The following ARID5B variants were observed in gnomAD, a reference collection of about 807,000 sequenced individuals.
The protein encoded by ARID5B is AT-rich interaction domain 5B.
ARID5B carries 13 observed loss-of-function variants against 97.2 expected under a neutral mutation model. That is an observed-to-expected ratio of 0.13 (90% CI 0.09 to 0.21). The LOEUF is 0.21. Among genes scored for constraint, ARID5B ranks in the 10% least tolerant of loss-of-function variants. The pLI, the probability that ARID5B is intolerant of heterozygous loss-of-function variation, is 1.00. For synonymous variants in ARID5B, 556 were observed against 570.3 expected (o/e 0.97, Z 0.36); for missense variants, 1,210 against 1,465.3 (o/e 0.83, Z 2.84).
chr10:61,975,580 A>G (rs1589242111), intron 3 of ARID5B, among the ~76,000 whole-genome samples: 1 of 152,160 alleles, frequency 6.6e-6, no homozygotes. Context: ...TAAACTGGGT[A>G]TAAGAATTCC....
At chr10:62,010,244 C>T (rs564509769) in intron 4 of ARID5B, among the ~76,000 whole-genome samples, 2 of 152,312 alleles carry the variant, frequency 1.3e-5, no homozygotes, top group East Asian at 1.9e-4. Context: ...GGTTTCCTGG[C>T]TGCTTAATGG....
chr10:62,062,682 T>G (rs1476916298), intron 7 of ARID5B, among the ~76,000 whole-genome samples: 1 of 151,300 alleles, frequency 6.6e-6, no homozygotes, highest in Non-Finnish European at 1.5e-5. Flanking sequence ...AAAATGGTAG[T>G]CTAAGTTGGA....
chr10:62,055,555 C>T (rs1205086587), intron 5 of ARID5B, among the ~76,000 whole-genome samples: 3 of 152,180 alleles, frequency 2.0e-5, no homozygotes, highest in African/African-American at 7.2e-5. Context: ...TTAGATCCAA[C>T]AGCCTAAAAT....
chr10:62,044,661 G>T (rs1055643813), intron 4 of ARID5B, among the ~76,000 whole-genome samples: 3 of 152,076 alleles, frequency 2.0e-5, no homozygotes, highest in Non-Finnish European at 4.4e-5. Context: ...CACCACCAGG[G>T]CTTCATCTTT....
intron 3 of ARID5B, among the ~76,000 whole-genome samples, chr10:61,969,646 G>A (rs1257921706): frequency 6.6e-6 from 1 of 152,048 alleles, no homozygotes; most frequent in Non-Finnish European, 1.5e-5. Flanking sequence ...TACCTGTGCC[G>A]CTGATCTCTA....
chr10:61,932,912 A>C (rs1193995395), intron 2 of ARID5B, among the ~76,000 whole-genome samples: 1 of 152,132 alleles, frequency 6.6e-6, no homozygotes, highest in East Asian at 1.9e-4. Flanking sequence ...CCTAAGCAAC[A>C]CAGTGAAACT....
intron 3 of ARID5B, among the ~76,000 whole-genome samples, chr10:61,983,504 T>C (rs1304380059): frequency 6.6e-6 from 1 of 152,224 alleles, no homozygotes; most frequent in Non-Finnish European, 1.5e-5. Context: ...TGTTAAATTG[T>C]GCTTCGCAAA....
chr10:61,983,564 A>G (rs1838805483), intron 3 of ARID5B, among the ~76,000 whole-genome samples: 1 of 152,160 alleles, frequency 6.6e-6, no homozygotes, highest in Non-Finnish European at 1.5e-5. Flanking sequence ...CTGAATGATA[A>G]CACCTATTAT....
chr10:62,066,254 A>C (rs796680833), intron 7 of ARID5B, among the ~76,000 whole-genome samples: 7 of 152,284 alleles, frequency 4.6e-5, no homozygotes, highest in African/African-American at 1.7e-4. Context: ...TGTTTGGACA[A>C]TGGGAGAATT....
At chr10:61,982,465 CT>C (rs772170865) in intron 3 of ARID5B, among the ~76,000 whole-genome samples, 14 of 152,170 alleles carry the variant, frequency 9.2e-5, no homozygotes, top group African/African-American at 3.1e-4. Context: ...ATTACTTTGT[CT>C]TTTACAACAA....
At chr10:61,932,612 G>A (rs1844230760) in intron 2 of ARID5B, among the ~76,000 whole-genome samples, 1 of 151,914 alleles carries the variant, frequency 6.6e-6, no homozygotes, top group Non-Finnish European at 1.5e-5. Context: ...TCGCCATGTT[G>A]CCCAGGCTGG....
At chr10:61,937,165 A>G (rs369907483) in intron 2 of ARID5B, among the ~76,000 whole-genome samples, 1 of 152,358 alleles carries the variant, frequency 6.6e-6, no homozygotes, top group Admixed American at 6.5e-5. Context: ...TGGACTGAAT[A>G]CAATGCAATA....
At chr10:61,914,320 A>G (rs1235661890) in intron 2 of ARID5B, among the ~76,000 whole-genome samples, 2 of 152,234 alleles carry the variant, frequency 1.3e-5, no homozygotes, top group Non-Finnish European at 2.9e-5. Context: ...TATGCCTACT[A>G]TGTGTCAGTT....
chr10:62,038,269 A>AATTTT (rs1839590227), intron 4 of ARID5B, among the ~76,000 whole-genome samples: 1 of 152,238 alleles, frequency 6.6e-6, no homozygotes, highest in South Asian at 2.1e-4. Context: ...AATTTTTTAA[A>AATTTT]ATTTTATTTT....
chr10:61,990,074 G>T (rs576704085), intron 3 of ARID5B, among the ~76,000 whole-genome samples: 1 of 152,080 alleles, frequency 6.6e-6, no homozygotes, highest in South Asian at 2.1e-4. Flanking sequence ...AAGTCTTCTC[G>T]TACCCTCAAA....
intron 2 of ARID5B, among the ~76,000 whole-genome samples, chr10:61,933,340 T>C (rs191156393): frequency 5.8e-4 from 88 of 152,340 alleles, no homozygotes; most frequent in Non-Finnish European, 1.1e-3. Flanking sequence ...GAGGGTTGAA[T>C]CAATGCCTTC....
intron 4 of ARID5B, 26 bp from the exon 5 acceptor site, chr10:62,050,862 A>G (rs1363838556): frequency 6.3e-7 from 1 of 1,586,200 alleles, no homozygotes; most frequent in Admixed American, 1.7e-5. Flanking sequence ...GAAAATGTAT[A>G]TCAATTGTTT....
At chr10:61,987,727 G>T (rs1418122838) in intron 3 of ARID5B, among the ~76,000 whole-genome samples, 1 of 152,186 alleles carries the variant, frequency 6.6e-6, no homozygotes, top group Admixed American at 6.5e-5. Context: ...ACAAAAACAG[G>T]TGTTGGGCTG....
intron 3 of ARID5B, among the ~76,000 whole-genome samples, chr10:61,943,819 C>T (rs1024476045): frequency 6.6e-6 from 1 of 151,814 alleles, no homozygotes; most frequent in Admixed American, 6.6e-5. Context: ...AACTCTGCCC[C>T]ACATGGCAGC....
Sources: allele counts gnomAD v4.1 joint callset (sites outside exome capture counted in the v4.1 genomes callset), GRCh38; gene constraint gnomAD v4.1.1; transcripts MANE v1.5; gene names NCBI Gene and HGNC (gene_info 2026-07-23, HGNC 2026-07-21).